The following DYNC1I1 variants were observed in gnomAD, a reference collection of about 807,000 sequenced individuals.
The protein encoded by DYNC1I1 is dynein cytoplasmic 1 intermediate chain 1, also known as cytoplasmic dynein 1 intermediate chain 1.
A neutral mutation model predicts 86.6 loss-of-function variants in DYNC1I1; 43 were observed. The observed-to-expected ratio is 0.50, with a 90% CI of 0.39 to 0.64. The LOEUF (loss-of-function observed/expected upper bound fraction) is 0.64. DYNC1I1 is among the 30% of genes least tolerant of loss of function. The pLI is 0.00. For synonymous variants in DYNC1I1, 262 were observed against 283.7 expected (o/e 0.92, Z 0.77); for missense variants, 604 against 788.8 (o/e 0.77, Z 2.81).
intron 6 of DYNC1I1, among the ~76,000 whole-genome samples, chr7:95,891,776 T>G (rs1790745767): frequency 6.6e-6 from 1 of 152,078 alleles, no homozygotes; most frequent in South Asian, 2.1e-4. Flanking sequence ...CAATTTGAAG[T>G]TAAATGATTT....
chr7:96,083,179 C>T (rs947287594), intron 16 of DYNC1I1, among the ~76,000 whole-genome samples: 2 of 152,042 alleles, frequency 1.3e-5, no homozygotes, highest in Admixed American at 6.5e-5. Context: ...TCAGGATAAG[C>T]TTATACACTT....
intron 6 of DYNC1I1, among the ~76,000 whole-genome samples, chr7:95,917,234 T>C (rs1184694163): frequency 6.6e-6 from 1 of 152,156 alleles, no homozygotes; most frequent in Non-Finnish European, 1.5e-5. Flanking sequence ...GGACGGGGTG[T>C]CCGTGGCTTC....
chr7:96,047,499 C>T (rs1012008228), intron 14 of DYNC1I1, among the ~76,000 whole-genome samples: 5 of 152,104 alleles, frequency 3.3e-5, no homozygotes, highest in Admixed American at 6.6e-5. Context: ...CTGTTAAACA[C>T]CAGAGATATC....
chr7:95,950,934 C>T (rs754159130), intron 6 of DYNC1I1, among the ~76,000 whole-genome samples: 1 of 152,156 alleles, frequency 6.6e-6, no homozygotes, highest in Non-Finnish European at 1.5e-5. Context: ...GGAAACATCC[C>T]TCTGTTTTCT....
At chr7:95,898,941 AC>A (rs1790962655) in intron 6 of DYNC1I1, among the ~76,000 whole-genome samples, 1 of 152,222 alleles carries the variant, frequency 6.6e-6, no homozygotes, top group Admixed American at 6.5e-5. Context: ...ATAAACCACA[AC>A]ACAAAGACGT....
intron 6 of DYNC1I1, among the ~76,000 whole-genome samples, chr7:95,975,700 T>G (rs1316287700): frequency 1.3e-5 from 2 of 152,202 alleles, no homozygotes; most frequent in African/African-American, 4.8e-5. Flanking sequence ...TCACCTTTGT[T>G]TTTTGTTGTA....
intron 1 of DYNC1I1, among the ~76,000 whole-genome samples, chr7:95,778,194 G>A (rs1793894554): frequency 2.6e-5 from 4 of 152,194 alleles, no homozygotes; most frequent in Admixed American, 6.5e-5. Context: ...TTATATGGCA[G>A]AAGGCATTTT....
chr7:95,904,146 A>T (rs1034072397), intron 6 of DYNC1I1, among the ~76,000 whole-genome samples: 5 of 152,114 alleles, frequency 3.3e-5, no homozygotes, highest in Admixed American at 3.3e-4. Flanking sequence ...AGAAGTTTAG[A>T]CTGCCCTAAA....
chr7:95,882,851 A>T (rs1790490878), intron 6 of DYNC1I1, among the ~76,000 whole-genome samples: 1 of 152,204 alleles, frequency 6.6e-6, no homozygotes, highest in Non-Finnish European at 1.5e-5. Context: ...ATATTTGGGT[A>T]AGAAAATGAA....
At chr7:96,012,795 G>T (rs1440655416) in intron 10 of DYNC1I1, among the ~76,000 whole-genome samples, 2 of 152,154 alleles carry the variant, frequency 1.3e-5, no homozygotes, top group Admixed American at 6.5e-5. Context: ...GCCACCCAAA[G>T]ACATCTCTAT....
At chr7:95,996,163 A>G in intron 10 of DYNC1I1, 90 bp downstream of exon 10, 1 of 1,557,894 alleles carries the variant, frequency 6.4e-7, no homozygotes, top group Non-Finnish European at 8.7e-7. Context: ...GCTGAGAGGA[A>G]GAACTCAGTT....
intron 6 of DYNC1I1, among the ~76,000 whole-genome samples, chr7:95,971,479 A>G (rs1482967911): frequency 6.6e-6 from 1 of 152,160 alleles, no homozygotes; most frequent in Non-Finnish European, 1.5e-5. Context: ...AGTTGAAAAG[A>G]ACATATCCAA....
intron 6 of DYNC1I1, among the ~76,000 whole-genome samples, chr7:95,874,374 C>G (rs1366859631): frequency 6.6e-6 from 1 of 151,826 alleles, no homozygotes; most frequent in Non-Finnish European, 1.5e-5. Flanking sequence ...GAAACTAACT[C>G]TAATTAAGTT....
intron 2 of DYNC1I1, among the ~76,000 whole-genome samples, chr7:95,807,401 T>C (rs907403625): frequency 2.8e-4 from 42 of 152,118 alleles, no homozygotes; most frequent in African/African-American, 9.7e-4. Flanking sequence ...CTAAGGCTCA[T>C]ACAGCCAGTT....
chr7:95,952,508 AT>A (rs1792587182), intron 6 of DYNC1I1, among the ~76,000 whole-genome samples: 2 of 151,976 alleles, frequency 1.3e-5, no homozygotes, highest in South Asian at 4.1e-4. Flanking sequence ...CATCCCTTTT[AT>A]CCCCACTTTA....
intron 6 of DYNC1I1, among the ~76,000 whole-genome samples, chr7:95,960,674 G>A (rs971570150): frequency 5.3e-5 from 8 of 152,132 alleles, no homozygotes; most frequent in African/African-American, 1.9e-4. Flanking sequence ...CACTCGGTTG[G>A]CCTCACAGCT....
rs190813771 is a variant in DYNC1I1, at chr7:95,890,897, A to G, written c.490+20899A>G. Among the ~76,000 whole-genome samples, 5 of 152,360 alleles carry G rather than the reference A, an allele frequency of 3.3e-5. No homozygotes were observed. In the East Asian group the frequency reaches 9.6e-4, roughly 29 times the overall value. On this transcript the variant is annotated intron_variant, in intron 6 of 16. Coordinates refer to ENST00000447467, the MANE Select transcript of DYNC1I1 (RefSeq NM_001135556.2). ...GAAAAAAATCTATGATGTAACAGGA[A>G]GTAAACCTACAAGTGATTTTTAGTG...
Position 95,781,711 on chromosome 7 carries a change from G to A in DYNC1I1, c.-10+8938G>A, listed in dbSNP as rs372223905. ...GGAAAAAGTGTTTTCTAAACTTCCT[G>A]GAGGAAAATACAGAAAGTTGCTTTA... On this transcript the variant is annotated intron_variant, in intron 1 of 16. Transcript: ENST00000447467. Among the ~76,000 whole-genome samples, 36 of 152,260 alleles carry A rather than the reference G, an allele frequency of 2.4e-4. 2 individuals carry two copies. In the South Asian group the frequency reaches 5.2e-3, roughly 22 times the overall value.
chr7:95,864,900 T>A (rs1050753779), intron 5 of DYNC1I1, among the ~76,000 whole-genome samples: 2 of 151,804 alleles, frequency 1.3e-5, no homozygotes, highest in Non-Finnish European at 2.9e-5. Context: ...TTTTCATCTC[T>A]CCACTCTATC....
Sources: allele counts gnomAD v4.1 joint callset (sites outside exome capture counted in the v4.1 genomes callset), GRCh38; gene constraint gnomAD v4.1.1; transcripts MANE v1.5; gene names NCBI Gene and HGNC (gene_info 2026-07-23, HGNC 2026-07-21).